The following CCR5AS variants were observed in gnomAD, a reference collection of about 807,000 sequenced individuals.
CCR5AS encodes the protein CCR5 antisense RNA.
rs138908702 is a variant in CCR5AS at position 46,390,353 on chromosome 3, A to G, written n.391+2472T>C. Among the ~76,000 whole-genome samples, 295 of 152,302 alleles carry G rather than the reference A, an allele frequency of 1.9e-3. 1 individual carries two copies. The highest frequency in any genetic ancestry group is 7.0e-3 in the African/African-American group (289 of 41,564). On this transcript the variant is annotated intron_variant and non_coding_transcript_variant, in intron 2 of 3. Transcript: ENST00000451485. ...ATGGATGGGAAGGACGATTTGATCA[A>G]CAAGACGAAGATCCTGAACAAACCT...
chr3:46,373,099 A>T, intron 2 of CCR5AS: 1 of 1,614,142 alleles, frequency 6.2e-7, no homozygotes, highest in Non-Finnish European at 8.5e-7. Context: ...AGCATGACTG[A>T]CATCTACCTG....
rs181641346 is a variant in CCR5AS, at chr3:46,372,708, A to G, written n.392-1291T>C. ...AAGCTCTCCATCTAGTGGACAGGGA[A>G]GCTAGCAGCAAACCTTCCCTTCACT... is the stretch of plus-strand genomic sequence containing the variant. On this transcript the variant is annotated intron_variant and non_coding_transcript_variant, in intron 2 of 3. Transcript: ENST00000451485. 2.1e-5 allele frequency: 10 copies of G among 465,946 alleles called. No individual in the cohort carries two copies. The Admixed American group carries it at 3.6e-4, about 17-fold the overall frequency. The allele number at this position is 465,946 out of a possible 1,614,324, so 28.9% of individuals were successfully genotyped here. A position where few individuals can be genotyped will look rare whatever the true frequency, so the allele number is the denominator to read the frequency against.
At chr3:46,398,683 G>A (rs564529327) in intron 1 of CCR5AS, among the ~76,000 whole-genome samples, 1 of 151,640 alleles carries the variant, frequency 6.6e-6, no homozygotes, top group East Asian at 1.9e-4. Context: ...AACTCAATAG[G>A]GTTTTTTAAA....
intron 1 of CCR5AS, among the ~76,000 whole-genome samples, chr3:46,403,086 G>T (rs780610779): frequency 6.6e-6 from 1 of 152,198 alleles, no homozygotes; most frequent in Non-Finnish European, 1.5e-5. Context: ...TCTTTTCATG[G>T]CTGCATAGTA....
chr3:46,395,647 T>C (rs1701955134), intron 1 of CCR5AS, among the ~76,000 whole-genome samples: 1 of 152,154 alleles, frequency 6.6e-6, no homozygotes, highest in Non-Finnish European at 1.5e-5. Flanking sequence ...TGCCCACTCA[T>C]GGCAAAGGAA....
chr3:46,386,395 A>G (rs1427305459), intron 2 of CCR5AS, among the ~76,000 whole-genome samples: 1 of 152,236 alleles, frequency 6.6e-6, no homozygotes, highest in Non-Finnish European at 1.5e-5. Flanking sequence ...CAGCATGATC[A>G]GACTTGCTTT....
chr3:46,401,549 C>T (rs1313032575), intron 1 of CCR5AS, among the ~76,000 whole-genome samples: 2 of 152,152 alleles, frequency 1.3e-5, no homozygotes, highest in Non-Finnish European at 2.9e-5. Context: ...CAAAGGCACC[C>T]ATCAGAGGAG....
chr3:46,380,634 AG>A (rs1354000768), intron 2 of CCR5AS, among the ~76,000 whole-genome samples: 6 of 152,222 alleles, frequency 3.9e-5, no homozygotes, highest in Non-Finnish European at 7.3e-5. Flanking sequence ...GGTGCTTCCC[AG>A]TGGCACGCCA....
chr3:46,400,273 G>C (rs2106779456), intron 1 of CCR5AS, among the ~76,000 whole-genome samples: 1 of 152,292 alleles, frequency 6.6e-6, no homozygotes, highest in African/African-American at 2.4e-5. Flanking sequence ...TTACAAGCTT[G>C]AGCCCGGCTG....
intron 1 of CCR5AS, among the ~76,000 whole-genome samples, chr3:46,403,093 A>G (rs2106781944): frequency 6.6e-6 from 1 of 152,350 alleles, no homozygotes; most frequent in East Asian, 1.9e-4. Context: ...ATGGCTGCAT[A>G]GTATTCCATG....
chr3:46,394,390 G>A (rs761827176), intron 1 of CCR5AS, among the ~76,000 whole-genome samples: 92 of 152,148 alleles, frequency 6.0e-4, no homozygotes, highest in Non-Finnish European at 1.1e-3. Flanking sequence ...CTCCAGACTT[G>A]TGGAACATTC....
At chr3:46,376,387 C>G (rs923672058) in intron 2 of CCR5AS, among the ~76,000 whole-genome samples, 1 of 152,030 alleles carries the variant, frequency 6.6e-6, no homozygotes, top group Non-Finnish European at 1.5e-5. Context: ...AAAATTGACC[C>G]TTTTCCTGAG....
chr3:46,385,424 G>A (rs1317954461), intron 2 of CCR5AS, among the ~76,000 whole-genome samples: 1 of 152,142 alleles, frequency 6.6e-6, no homozygotes, highest in African/African-American at 2.4e-5. Flanking sequence ...GTGAGCCAAG[G>A]CTGGTTAAAA....
chr3:46,377,320 T>G (rs578239583), intron 2 of CCR5AS, among the ~76,000 whole-genome samples: 13 of 152,314 alleles, frequency 8.5e-5, no homozygotes, highest in African/African-American at 2.9e-4. Flanking sequence ...GGATCTGACT[T>G]TATTCACCAA....
chr3:46,397,225 G>A (rs1701969089), intron 1 of CCR5AS, among the ~76,000 whole-genome samples: 1 of 151,878 alleles, frequency 6.6e-6, no homozygotes, highest in African/African-American at 2.4e-5. Flanking sequence ...CCCCAGCTTG[G>A]CACATGACTC....
At chr3:46,386,730 T>C (rs920147579) in intron 2 of CCR5AS, among the ~76,000 whole-genome samples, 4 of 152,220 alleles carry the variant, frequency 2.6e-5, no homozygotes, top group Non-Finnish European at 5.9e-5. Context: ...TGACTAGATA[T>C]AATATTATGT....
chr3:46,405,057 T>C (rs1163691880), intron 1 of CCR5AS, among the ~76,000 whole-genome samples: 1 of 152,208 alleles, frequency 6.6e-6, no homozygotes, highest in Non-Finnish European at 1.5e-5. Flanking sequence ...AAGGAGGCCC[T>C]ATTATGGCTT....
At chr3:46,373,724 G>T (rs766874061) in intron 2 of CCR5AS, 2 of 1,614,036 alleles carry the variant, frequency 1.2e-6, no homozygotes, top group Non-Finnish European at 1.7e-6. Context: ...GCTCTAACAG[G>T]TTGGACCAAG....
chr3:46,406,385 T>C (rs548124320), intron 1 of CCR5AS, among the ~76,000 whole-genome samples: 13 of 152,040 alleles, frequency 8.6e-5, no homozygotes, highest in Admixed American at 6.5e-4. Context: ...TTCAAGTTCC[T>C]CTTCTCGGTT....
Sources: allele counts gnomAD v4.1 joint callset (sites outside exome capture counted in the v4.1 genomes callset), GRCh38; gene constraint gnomAD v4.1.1; transcripts MANE v1.5; gene names NCBI Gene and HGNC (gene_info 2026-07-23, HGNC 2026-07-21).